EDA: variants seen among roughly 807,000 people sequenced by gnomAD.
EDA encodes the protein ectodysplasin A, also known as ectodysplasin-A.
In EDA, 2 loss-of-function variants were observed where a neutral mutation model predicts 23.6. That is an observed-to-expected ratio of 0.08 (90% CI 0.03 to 0.27). EDA has a LOEUF of 0.27. Ranked by LOEUF, EDA falls within the 10% of genes least tolerant of loss-of-function variation. The probability of loss-of-function intolerance (pLI) is 1.00; values close to 1 mark genes in which losing one functional copy is unlikely to be tolerated. For synonymous variants in EDA, 131 were observed against 132.0 expected (o/e 0.99, Z 0.05); for missense variants, 229 against 324.2 (o/e 0.71, Z 2.26).
At chrX:69,766,820 A>G (rs1469708836) in intron 1 of EDA, among the ~76,000 whole-genome samples, 1 of 112,391 alleles carries the variant, frequency 8.9e-6, no homozygotes, top group African/African-American at 3.2e-5. Context: ...TAATGGGACT[A>G]CTGGATCGAA....
At chrX:69,902,124 T>G (rs1259722077) in intron 1 of EDA, among the ~76,000 whole-genome samples, 1 of 111,949 alleles carries the variant, frequency 8.9e-6, no homozygotes, top group Non-Finnish European at 1.9e-5. Context: ...AGCATTTGAG[T>G]TGAATTCAGA....
At chrX:69,982,322 G>T (rs73226460) in intron 2 of EDA, among the ~76,000 whole-genome samples, 1 of 111,075 alleles carries the variant, frequency 9.0e-6, no homozygotes, top group Admixed American at 9.6e-5. Context: ...TTTCCCTGCC[G>T]CTTACATCTT....
intron 1 of EDA, among the ~76,000 whole-genome samples, chrX:69,795,927 T>C (rs929055516): frequency 4.5e-5 from 5 of 111,335 alleles, no homozygotes; most frequent in African/African-American, 1.6e-4. Flanking sequence ...CCCAGCCCGG[T>C]CCACCACCGT....
chrX:69,872,127 A>G (rs1346593940), intron 1 of EDA, among the ~76,000 whole-genome samples: 1 of 111,956 alleles, frequency 8.9e-6, no homozygotes, highest in African/African-American at 3.2e-5. Context: ...ATCAATGAAG[A>G]ATTTTGTATC....
At chrX:69,964,809 C>T (rs1263901678) in intron 2 of EDA, among the ~76,000 whole-genome samples, 5 of 111,623 alleles carry the variant, frequency 4.5e-5, no homozygotes, top group African/African-American at 1.6e-4. Context: ...ATTACTTACA[C>T]AACCCTGCCT....
intron 1 of EDA, among the ~76,000 whole-genome samples, chrX:69,675,946 T>C (rs748238835): frequency 9.0e-6 from 1 of 110,863 alleles, no homozygotes; most frequent in East Asian, 2.8e-4. Flanking sequence ...CAGGCAAATA[T>C]GGGAGAGGAT....
At chrX:69,792,920 T>C (rs1355833372) in intron 1 of EDA, among the ~76,000 whole-genome samples, 1 of 112,351 alleles carries the variant, frequency 8.9e-6, no homozygotes, top group East Asian at 2.8e-4. Flanking sequence ...CTCTGTGGGT[T>C]TCCTGCTCTG....
chrX:69,834,277 T>C, intron 1 of EDA, among the ~76,000 whole-genome samples: 1 of 110,722 alleles, frequency 9.0e-6, no homozygotes, highest in Non-Finnish European at 1.9e-5. Flanking sequence ...TTCTGTCTTG[T>C]TGATCTGTCT....
intron 1 of EDA, among the ~76,000 whole-genome samples, chrX:69,812,556 C>T (rs895024194): frequency 2.7e-5 from 3 of 112,182 alleles, no homozygotes; most frequent in East Asian, 5.6e-4. Context: ...GGGTACAGAA[C>T]TGAATAAGGC....
chrX:69,903,699 TTA>T (rs1491427032), intron 1 of EDA, among the ~76,000 whole-genome samples: 1 of 110,439 alleles, frequency 9.1e-6, no homozygotes, highest in Non-Finnish European at 1.9e-5. Flanking sequence ...AGACTTTTTT[TTA>T]AAAAAAGTAT....
intron 1 of EDA, among the ~76,000 whole-genome samples, chrX:69,776,056 T>C (rs962901718): frequency 3.6e-5 from 4 of 111,969 alleles, no homozygotes; most frequent in African/African-American, 1.3e-4. Flanking sequence ...TAAATTGTAA[T>C]ATAATGTATT....
At chrX:69,636,659 A>T (rs1188510528) in intron 1 of EDA, among the ~76,000 whole-genome samples, 1 of 106,688 alleles carries the variant, frequency 9.4e-6, no homozygotes, top group African/African-American at 3.4e-5. Context: ...TGATGCTCAA[A>T]CTTTTGAAGG....
intron 1 of EDA, among the ~76,000 whole-genome samples, chrX:69,909,254 C>A (rs974326125): frequency 1.8e-5 from 2 of 111,712 alleles, no homozygotes; most frequent in African/African-American, 6.5e-5. Context: ...CTTATTTATA[C>A]CTTCTACAAT....
At position 69,682,863 on chromosome X, in the gene EDA, T is replaced by C. The variant is rs1286971077; in HGVS notation, c.396+66159T>C. 2.7e-5 allele frequency among the ~76,000 whole-genome samples: 3 copies of C among 111,747 alleles called. No homozygotes were observed. The East Asian group carries it at 8.5e-4, about 32-fold the overall frequency. On this transcript the variant is annotated intron_variant, in intron 1 of 7. Coordinates refer to ENST00000374552, the MANE Select transcript of EDA (RefSeq NM_001399.5). ...GCTCCTCCCCCCTGCTGTTCTCTTATATCTTCCAAATAAAGTGACTTGCTG... is the reference window on the plus strand; with the variant it reads ...GCTCCTCCCCCCTGCTGTTCTCTTACATCTTCCAAATAAAGTGACTTGCTG...
intron 1 of EDA, among the ~76,000 whole-genome samples, chrX:69,681,779 A>G (rs1168595705): frequency 9.0e-6 from 1 of 111,339 alleles, no homozygotes; most frequent in African/African-American, 3.3e-5. Context: ...GTCCTCCTGT[A>G]GCTCGGAGTA....
At chrX:69,857,372 A>G (rs767205670) in intron 1 of EDA, among the ~76,000 whole-genome samples, 2 of 111,532 alleles carry the variant, frequency 1.8e-5, no homozygotes, top group African/African-American at 3.3e-5. Context: ...TTCCATATGA[A>G]TTTTAGAATT....
chrX:69,763,962 G>A (rs1358048806), intron 1 of EDA, among the ~76,000 whole-genome samples: 1 of 111,169 alleles, frequency 9.0e-6, no homozygotes, highest in East Asian at 2.8e-4. Flanking sequence ...AGTCCCTGGG[G>A]AGACTATGCT....
chrX:69,950,904 A>G (rs1282263846), intron 1 of EDA, among the ~76,000 whole-genome samples: 1 of 86,086 alleles, frequency 1.2e-5, no homozygotes, highest in African/African-American at 4.4e-5. Context: ...GAACACATGG[A>G]CACAGGAAGG....
chrX:69,728,885 C>G (rs761530347), intron 1 of EDA, among the ~76,000 whole-genome samples: 2 of 111,517 alleles, frequency 1.8e-5, no homozygotes, highest in South Asian at 7.7e-4. Flanking sequence ...ATCTATTATT[C>G]TTTTCTTAGT....
Sources: allele counts gnomAD v4.1 joint callset (sites outside exome capture counted in the v4.1 genomes callset), GRCh38; gene constraint gnomAD v4.1.1; transcripts MANE v1.5; gene names NCBI Gene and HGNC (gene_info 2026-07-23, HGNC 2026-07-21).